PLCB4: variants seen among roughly 807,000 people sequenced by gnomAD.
The protein encoded by PLCB4 is 1-phosphatidylinositol 4,5-bisphosphate phosphodiesterase beta-4.
PLCB4 carries 77 observed loss-of-function variants against 178.8 expected under a neutral mutation model. That is an observed-to-expected ratio of 0.43 (90% CI 0.36 to 0.52). The LOEUF (loss-of-function observed/expected upper bound fraction) is 0.52, where lower values mean the gene tolerates loss of function less well. PLCB4 is among the 20% of genes least tolerant of loss of function. The pLI, the probability that PLCB4 is intolerant of heterozygous loss-of-function variation, is 0.00. For synonymous variants in PLCB4, 496 were observed against 490.8 expected (o/e 1.01, Z -0.14); for missense variants, 1,024 against 1,453.4 (o/e 0.70, Z 4.80).
chr20:9,101,846 CT>C lies in PLCB4; in HGVS notation c.-79+5520del, dbSNP rs112396041. Among the ~76,000 whole-genome samples the C allele has an allele frequency of 7.0e-3, 948 of 135,720 alleles. 8 individuals are homozygous for C. Among genetic ancestry groups the C allele is most frequent in the African/African-American group, 0.016 (610 of 37,078 alleles). The allele number at this position is 135,720 out of a possible 152,430, so 89.0% of individuals were successfully genotyped here. On this transcript the variant is annotated intron_variant, in intron 2 of 39. Coordinates refer to ENST00000378473, the MANE Select transcript of PLCB4 (RefSeq NM_001377142.1). The stretch of plus-strand genomic sequence containing the variant: ...ACAATTTGCCAGTTTTGTAAATCAG[CT>C]TTTTTTTTTTTTTTTGAGATGGAGT...
chr20:9,294,379 A>C (rs2094610368), intron 3 of PLCB4, among the ~76,000 whole-genome samples: 1 of 151,820 alleles, frequency 6.6e-6, no homozygotes, highest in African/African-American at 2.4e-5. Flanking sequence ...CTTAACTCTT[A>C]AGGATGAAGC....
chr20:9,136,248 T>C (rs142782605), intron 2 of PLCB4, among the ~76,000 whole-genome samples: 80 of 152,178 alleles, frequency 5.3e-4, no homozygotes, highest in African/African-American at 1.8e-3. Context: ...GAGTCAAGGA[T>C]TGGAGTGCAA....
At chr20:9,439,692 A>C (rs1230562913) in intron 30 of PLCB4, among the ~76,000 whole-genome samples, 2 of 152,196 alleles carry the variant, frequency 1.3e-5, no homozygotes, top group African/African-American at 4.8e-5. Context: ...GTGTGTACTA[A>C]GTTGATGTAG....
chr20:9,447,668 C>CG (rs1273075668), intron 32 of PLCB4, among the ~76,000 whole-genome samples: 4 of 152,150 alleles, frequency 2.6e-5, no homozygotes, highest in Admixed American at 6.5e-5. Flanking sequence ...TATAGCCTAC[C>CG]GGCTATTCAA....
intron 21 of PLCB4, among the ~76,000 whole-genome samples, chr20:9,406,430 C>T (rs1050136525): frequency 2.6e-5 from 4 of 151,518 alleles, no homozygotes. Context: ...TTGGTGAAAT[C>T]AGTTTGATAA....
At chr20:9,297,417 TG>T (rs2094650895) in intron 3 of PLCB4, among the ~76,000 whole-genome samples, 1 of 152,022 alleles carries the variant, frequency 6.6e-6, no homozygotes, top group African/African-American at 2.4e-5. Flanking sequence ...TTGGGTACAA[TG>T]TATACTGCTT....
chr20:9,218,186 C>T (rs1377214629), intron 3 of PLCB4, among the ~76,000 whole-genome samples: 4 of 152,206 alleles, frequency 2.6e-5, no homozygotes, highest in Admixed American at 6.5e-5. Context: ...TCTCGGCTCA[C>T]TGCAACCTCT....
intron 3 of PLCB4, among the ~76,000 whole-genome samples, chr20:9,234,881 G>A (rs545164079): frequency 3.3e-4 from 51 of 152,272 alleles, no homozygotes; most frequent in Admixed American, 8.5e-4. Flanking sequence ...ATGCTTGAGT[G>A]TTCATTTGAG....
intron 28 of PLCB4, among the ~76,000 whole-genome samples, chr20:9,427,572 G>C (rs1203813943): frequency 6.6e-6 from 1 of 152,154 alleles, no homozygotes; most frequent in Non-Finnish European, 1.5e-5. Context: ...TCCGAGTGCT[G>C]GGATTATCTT....
At position 9,468,676 on chromosome 20, in the gene PLCB4, A is replaced by G. The variant is rs1197988160; in HGVS notation, c.3350+4A>G. 7.8e-6 allele frequency: 12 copies of G among 1,530,904 alleles called. No individual in the cohort carries two copies. In the South Asian group the frequency reaches 1.0e-4, roughly 13 times the overall value. 94.8% of individuals were successfully genotyped at this position (1,530,904 alleles called of 1,614,324 possible). On this transcript the variant is annotated splice_donor_region_variant and intron_variant, in intron 36 of 39. Coordinates refer to ENST00000378473, the MANE Select transcript of PLCB4 (RefSeq NM_001377142.1). ...AGAATAAAGCAGAACGGGAAAGGTA[A>G]GTCTGAGAGTGTTCACTGCAGGAAT...
chr20:9,072,017 T>C (rs190348645), intron 1 of PLCB4, among the ~76,000 whole-genome samples: 229 of 152,358 alleles, frequency 1.5e-3, no homozygotes, highest in African/African-American at 5.3e-3. Flanking sequence ...ATGATCACAG[T>C]TGGTATTTTA....
chr20:9,431,144 C>A (rs180918080), intron 28 of PLCB4, among the ~76,000 whole-genome samples: 1 of 152,146 alleles, frequency 6.6e-6, no homozygotes, highest in Non-Finnish European at 1.5e-5. Context: ...CGGGAAGAAT[C>A]CTTCCTTGCC....
intron 3 of PLCB4, among the ~76,000 whole-genome samples, chr20:9,270,927 C>A (rs1346086640): frequency 1.3e-5 from 2 of 152,096 alleles, no homozygotes; most frequent in Non-Finnish European, 2.9e-5. Context: ...AAGATGGACT[C>A]ATTTTTGGCC....
intron 2 of PLCB4, among the ~76,000 whole-genome samples, chr20:9,155,175 C>T (rs1232366440): frequency 2.1e-5 from 3 of 145,694 alleles, no homozygotes; most frequent in Non-Finnish European, 4.5e-5. Context: ...TAGCTTAGCT[C>T]CCTCTTATAA....
intron 3 of PLCB4, among the ~76,000 whole-genome samples, chr20:9,258,124 AC>A (rs2094256205): frequency 6.6e-6 from 1 of 152,210 alleles, no homozygotes; most frequent in African/African-American, 2.4e-5. Context: ...AGATGCGCAC[AC>A]ACACAGATGT....
chr20:9,422,461 TC>T (rs2040710169), intron 27 of PLCB4, among the ~76,000 whole-genome samples: 1 of 152,204 alleles, frequency 6.6e-6, no homozygotes, highest in East Asian at 1.9e-4. Flanking sequence ...GTTTTTTCCT[TC>T]CCTGGTATTT....
chr20:9,443,349 G>A (rs560163745), intron 30 of PLCB4, among the ~76,000 whole-genome samples: 37 of 152,330 alleles, frequency 2.4e-4, no homozygotes, highest in African/African-American at 8.4e-4. Context: ...AAATACAAAG[G>A]TAAGAATAAG....
At chr20:9,248,256 T>C (rs1249319925) in intron 3 of PLCB4, among the ~76,000 whole-genome samples, 2 of 152,202 alleles carry the variant, frequency 1.3e-5, no homozygotes, top group African/African-American at 4.8e-5. Context: ...TTAATACTCA[T>C]GTACAATGAT....
intron 2 of PLCB4, among the ~76,000 whole-genome samples, chr20:9,116,607 T>G (rs892289802): frequency 6.6e-6 from 1 of 152,148 alleles, no homozygotes; most frequent in Admixed American, 6.5e-5. Context: ...TTCCCTAATC[T>G]CAGCCATGAC....
Sources: allele counts gnomAD v4.1 joint callset (sites outside exome capture counted in the v4.1 genomes callset), GRCh38; gene constraint gnomAD v4.1.1; transcripts MANE v1.5; gene names NCBI Gene and HGNC (gene_info 2026-07-23, HGNC 2026-07-21).